Variants in NDUFAF2 observed in about 807,000 individuals in gnomAD.
NDUFAF2 encodes NADH:ubiquinone oxidoreductase complex assembly factor 2.
In NDUFAF2, 13 loss-of-function variants were observed where a neutral mutation model predicts 22.8. That is an observed-to-expected ratio of 0.57 (90% CI 0.37 to 0.91). NDUFAF2 has a LOEUF of 0.91. Among genes scored for constraint, NDUFAF2 ranks in the 40% least tolerant of loss-of-function variants. The pLI is 0.01. For missense variants in NDUFAF2, 162 were observed against 195.2 expected, an observed-to-expected ratio of 0.83 and a Z score of 1.01; for synonymous variants, 53 against 64.2, an observed-to-expected ratio of 0.83 and a Z score of 0.84.
intron 1 of NDUFAF2, among the ~76,000 whole-genome samples, chr5:60,993,333 T>C (rs1296922351): frequency 2.6e-5 from 4 of 152,242 alleles, no homozygotes; most frequent in African/African-American, 9.6e-5. Context: ...CTCCCAAGTC[T>C]GGGCTCCCTG....
intron 2 of NDUFAF2, 97 bp downstream of exon 2, chr5:61,073,311 T>G: frequency 1.1e-6 from 1 of 942,344 alleles, no homozygotes; most frequent in Non-Finnish European, 1.7e-6. Context: ...TGTTTCTCTT[T>G]GCAAAAAAGT....
rs761787794 is a variant in NDUFAF2, at chr5:60,945,296, C to T, written c.41C>T (p.Ser14Leu). Reference protein sequence around the residue: ...SQDLFRALWRSLSREVKEHVG... With the variant: ...SQDLFRALWRLLSREVKEHVG... ...GATTTGTTCCGCGCCTTGTGGAGATCGCTGTCAAGGGAAGTGAAGGAGCAC... is the reference window on the plus strand; with the variant it reads ...GATTTGTTCCGCGCCTTGTGGAGATTGCTGTCAAGGGAAGTGAAGGAGCAC... The change falls in exon 1 of 4, where the codon TCG becomes TTG. Residue 14 changes from serine to leucine, a missense_variant. By Grantham distance (145) the Ser-to-Leu change is moderately radical. This residue lies in a region of NDUFAF2 where 94 missense variants were observed against 85.2 expected (regional missense o/e 1.10). Coordinates refer to ENST00000296597, the MANE Select transcript of NDUFAF2 (RefSeq NM_174889.5). The T allele has an allele frequency of 3.5e-5, 56 of 1,613,734 alleles. No individual in the cohort carries two copies. The South Asian group carries it at 5.4e-4, about 16-fold the overall frequency.
chr5:60,999,798 A>G (rs1406797274), intron 1 of NDUFAF2, among the ~76,000 whole-genome samples: 1 of 152,132 alleles, frequency 6.6e-6, no homozygotes, highest in African/African-American at 2.4e-5. Flanking sequence ...CATACAGTAT[A>G]TTTTTGAAAA....
Position 61,067,343 on chromosome 5 carries a change from T to G in NDUFAF2, c.128-5782T>G, listed in dbSNP as rs535054460. Reference sequence around the variant, plus strand: ...CCCCACAACAGTCCCCAGTGTGTGGTGTTCCCCTTCCTGTGTCCATATGTT... The same window carrying G: ...CCCCACAACAGTCCCCAGTGTGTGGGGTTCCCCTTCCTGTGTCCATATGTT... On this transcript the variant is annotated intron_variant, in intron 1 of 3. Transcript: ENST00000296597. Among the ~76,000 whole-genome samples the G allele has an allele frequency of 8.4e-4, 112 of 133,398 alleles. 3 individuals carry two copies. In the South Asian group the frequency reaches 0.029, roughly 35 times the overall value. The allele number at this position is 133,398 out of a possible 152,430, so 87.5% of individuals were successfully genotyped here. A position where few individuals can be genotyped will look rare whatever the true frequency, so the allele number is the denominator to read the frequency against.
chr5:61,081,901 C>T (rs1408534092), intron 2 of NDUFAF2, among the ~76,000 whole-genome samples: 1 of 152,148 alleles, frequency 6.6e-6, no homozygotes, highest in Non-Finnish European at 1.5e-5. Context: ...CATCAGCATA[C>T]ATTATTGGAA....
chr5:61,105,458 C>A (rs991223600), intron 3 of NDUFAF2, among the ~76,000 whole-genome samples: 1 of 150,750 alleles, frequency 6.6e-6, no homozygotes, highest in East Asian at 1.9e-4. Context: ...CACTCCTCAC[C>A]CCAAACTTCA....
chr5:60,998,974 G>GTA (rs1751262590), intron 1 of NDUFAF2, among the ~76,000 whole-genome samples: 1 of 151,818 alleles, frequency 6.6e-6, no homozygotes, highest in African/African-American at 2.4e-5. Flanking sequence ...ACTTCCTATG[G>GTA]TAGAGAAAAT....
intron 1 of NDUFAF2, among the ~76,000 whole-genome samples, chr5:61,049,819 TAC>T (rs1227256209): frequency 9.5e-4 from 145 of 151,868 alleles, no homozygotes; most frequent in Non-Finnish European, 1.7e-3. Context: ...TGTATTTATA[TAC>T]ATATATATAA....
At chr5:60,994,976 A>G (rs79729220) in intron 1 of NDUFAF2, among the ~76,000 whole-genome samples, 3,977 of 152,124 alleles carry the variant, frequency 0.026, 175 homozygotes, top group East Asian at 0.21. Context: ...TTCTGCTGTC[A>G]AGGGACTCTG....
In NDUFAF2 at chr5:61,106,025, C is replaced by G. The variant is rs76540493; in HGVS notation, c.258+6993C>G. The stretch of plus-strand genomic sequence containing the variant: ...TCTGAAAGTGGAGTTTAAGCTCGCA[C>G]TAAAAACAATGACCTAGTTAAAAAT... On this transcript the variant is annotated intron_variant, in intron 3 of 3. Transcript: ENST00000296597. 3.0e-4 allele frequency among the ~76,000 whole-genome samples: 45 copies of G among 151,504 alleles called. 2 individuals carry two copies. Among genetic ancestry groups the G allele is most frequent in the African/African-American group, 1.1e-3 (44 of 40,862 alleles).
chr5:61,012,701 C>T (rs1283018936), intron 1 of NDUFAF2, among the ~76,000 whole-genome samples: 1 of 151,790 alleles, frequency 6.6e-6, no homozygotes, highest in African/African-American at 2.4e-5. Context: ...TATTTCTCTA[C>T]TTTGAAAAAT....
chr5:61,042,697 A>C (rs1312692830), intron 1 of NDUFAF2, among the ~76,000 whole-genome samples: 1 of 152,212 alleles, frequency 6.6e-6, no homozygotes, highest in East Asian at 1.9e-4. Context: ...TATGGTAGTG[A>C]ATTCTGTTTT....
At chr5:61,136,010 TATATATATATA>T (rs1740927350) in intron 3 of NDUFAF2, among the ~76,000 whole-genome samples, 6 of 17,592 alleles carry the variant, frequency 3.4e-4, no homozygotes, top group African/African-American at 1.0e-3. Flanking sequence ...TGTCTTTATA[TATATATATATA>T]TATATATATA....
intron 3 of NDUFAF2, among the ~76,000 whole-genome samples, chr5:61,108,567 A>G (rs901159774): frequency 2.0e-5 from 3 of 151,238 alleles, no homozygotes; most frequent in East Asian, 1.9e-4. Flanking sequence ...AGTTTCCCCA[A>G]TGTTTTCCTT....
At chr5:61,058,860 A>G (rs1175359339) in intron 1 of NDUFAF2, among the ~76,000 whole-genome samples, 1 of 152,062 alleles carries the variant, frequency 6.6e-6, no homozygotes, top group Non-Finnish European at 1.5e-5. Flanking sequence ...TCAGCTCTTC[A>G]TAGTGAACAC....
chr5:61,009,531 G>A (rs1381930811), intron 1 of NDUFAF2, among the ~76,000 whole-genome samples: 5 of 152,056 alleles, frequency 3.3e-5, no homozygotes. Flanking sequence ...TAAATTTAAA[G>A]TTACTTTTTA....
intron 1 of NDUFAF2, among the ~76,000 whole-genome samples, chr5:61,019,391 C>G (rs1251758550): frequency 6.6e-6 from 1 of 151,988 alleles, no homozygotes; most frequent in Non-Finnish European, 1.5e-5. Flanking sequence ...CCTCTTCTCT[C>G]CTTTTCCCTA....
intron 1 of NDUFAF2, among the ~76,000 whole-genome samples, chr5:61,034,389 C>T (rs1210729805): frequency 2.0e-5 from 3 of 152,108 alleles, no homozygotes; most frequent in African/African-American, 7.2e-5. Context: ...CCTGTTGCCC[C>T]TGTACAACGT....
chr5:61,076,459 C>T (rs1032626549), intron 2 of NDUFAF2, among the ~76,000 whole-genome samples: 2 of 152,180 alleles, frequency 1.3e-5, no homozygotes, highest in African/African-American at 4.8e-5. Flanking sequence ...ATGCAGCTAA[C>T]CAGCTGAAGA....
Sources: allele counts gnomAD v4.1 joint callset (sites outside exome capture counted in the v4.1 genomes callset), GRCh38; gene constraint gnomAD v4.1.1; regional missense constraint gnomAD v4.1.1; transcripts MANE v1.5; gene names NCBI Gene and HGNC (gene_info 2026-07-23, HGNC 2026-07-21).